The following DPP4 variants were observed in gnomAD, a reference collection of about 807,000 sequenced individuals.
DPP4 encodes dipeptidyl peptidase 4, also known as ADCP-2.
In DPP4, 93 loss-of-function variants were observed where a neutral mutation model predicts 122.4. The observed-to-expected ratio is 0.76, with a 90% CI of 0.64 to 0.90. DPP4 has a LOEUF of 0.90. Among genes scored for constraint, DPP4 ranks in the 40% least tolerant of loss-of-function variants. DPP4 has a pLI of 0.00. For missense variants in DPP4, 914 were observed against 907.3 expected (o/e 1.01, Z -0.09); for synonymous variants, 321 against 302.9 (o/e 1.06, Z -0.62).
At chr2:162,019,085 G>C in intron 15 of DPP4, 138 bp downstream of exon 15, 3 of 930,834 alleles carry the variant, frequency 3.2e-6, no homozygotes, top group Non-Finnish European at 5.1e-6. Flanking sequence ...CATGTAGATT[G>C]ATTTATGAAG....
chr2:162,063,133 G>A (rs1222410580), intron 2 of DPP4, among the ~76,000 whole-genome samples: 1 of 152,164 alleles, frequency 6.6e-6, no homozygotes, highest in East Asian at 1.9e-4. Context: ...CACATTGGAT[G>A]TGACTTGTGG....
chr2:161,998,647 T>C (rs1372951078), intron 23 of DPP4, among the ~76,000 whole-genome samples: 1 of 152,182 alleles, frequency 6.6e-6, no homozygotes, highest in Non-Finnish European at 1.5e-5. Flanking sequence ...GCAAGGAATG[T>C]GATAACTACT....
At chr2:162,012,936 C>A (rs1043989805) in intron 19 of DPP4, among the ~76,000 whole-genome samples, 2 of 151,994 alleles carry the variant, frequency 1.3e-5, no homozygotes, top group African/African-American at 2.4e-5. Context: ...AAAGAACTTT[C>A]GTTTTAAACA....
intron 23 of DPP4, among the ~76,000 whole-genome samples, chr2:162,000,717 C>A (rs1352185799): frequency 6.6e-6 from 1 of 152,180 alleles, no homozygotes; most frequent in East Asian, 1.9e-4. Flanking sequence ...AAATTTTGAG[C>A]AAAATGCAAA....
intron 19 of DPP4, among the ~76,000 whole-genome samples, chr2:162,013,539 G>A (rs929571056): frequency 6.0e-5 from 9 of 150,846 alleles, no homozygotes; most frequent in South Asian, 2.1e-4. Flanking sequence ...TTTTTTTCTC[G>A]CTGGTAACAA....
At chr2:162,035,681 A>G (rs2106120529) in intron 8 of DPP4, among the ~76,000 whole-genome samples, 1 of 152,300 alleles carries the variant, frequency 6.6e-6, no homozygotes, top group Middle Eastern at 3.4e-3. Flanking sequence ...TCTAATTTTC[A>G]AACAGTCAAC....
At chr2:162,042,440 A>G (rs1489917256) in intron 5 of DPP4, among the ~76,000 whole-genome samples, 2 of 152,212 alleles carry the variant, frequency 1.3e-5, no homozygotes, top group Non-Finnish European at 1.5e-5. Flanking sequence ...ACAACTTGGA[A>G]GTGATAGCAC....
intron 11 of DPP4, among the ~76,000 whole-genome samples, chr2:162,023,402 G>A (rs1306503054): frequency 1.3e-5 from 2 of 151,964 alleles, no homozygotes; most frequent in African/African-American, 2.4e-5. Flanking sequence ...CATTTCTTAC[G>A]AGATAAGTCC....
intron 2 of DPP4, among the ~76,000 whole-genome samples, chr2:162,052,084 C>T (rs1684401831): frequency 1.3e-5 from 2 of 151,946 alleles, no homozygotes; most frequent in South Asian, 4.2e-4. Flanking sequence ...CTTGGGAGGT[C>T]GAGGTGGGCA....
intron 5 of DPP4, 110 bp from the exon 6 acceptor site, chr2:162,039,294 C>T: frequency 2.2e-6 from 2 of 908,898 alleles, no homozygotes; most frequent in Non-Finnish European, 3.4e-6. Context: ...ATAATTCTCA[C>T]ATGTTATCAT....
chr2:162,033,584 C>T lies in DPP4; in HGVS notation c.844G>A (p.Ala282Thr). ...GGAGCAGTGATTTGTATGGAAGTTG[C>T]ATTGGTGACTGAGCTGAGAGAGTCT... The part of the protein sequence containing the change: ...NTDSLSSVTN[A>T]TSIQITAPAS... Residue 282 changes from alanine to threonine, a missense_variant, in exon 10 of 26, where the codon GCA becomes ACA. Transcript: ENST00000360534. 2 of 1,612,910 alleles carry T rather than the reference C, an allele frequency of 1.2e-6. No individual in the cohort carries two copies. Among genetic ancestry groups the T allele is most frequent in the Non-Finnish European group, 1.7e-6 (2 of 1,179,518 alleles).
At chr2:162,041,424 G>T (rs2106127239) in intron 5 of DPP4, among the ~76,000 whole-genome samples, 1 of 152,158 alleles carries the variant, frequency 6.6e-6, no homozygotes, top group Non-Finnish European at 1.5e-5. Context: ...GGATGAGACG[G>T]ATGAAATAGG....
Position 162,073,405 on chromosome 2 carries a change from T to C in DPP4, c.88A>G (p.Lys30Glu). 1 of 1,614,060 alleles carries C rather than the reference T, an allele frequency of 6.2e-7. No homozygotes were observed. The highest frequency in any genetic ancestry group is 8.5e-7 in the Non-Finnish European group (1 of 1,180,030). ...TCAAATGTTTCAAACTTACTGCCTT[T>C]GTTCAGCAGAACCACGGGCACGGTG... ...IITVPVVLLN[K>E]GTDDATADSR... is the part of the protein sequence containing the mutation. Residue 30 changes from lysine to glutamate, a missense_variant, in exon 2 of 26, where the codon AAA becomes GAA. Coordinates refer to ENST00000360534, the MANE Select transcript of DPP4 (RefSeq NM_001935.4).
chr2:162,056,126 T>G (rs1684565581), intron 2 of DPP4, among the ~76,000 whole-genome samples: 1 of 152,208 alleles, frequency 6.6e-6, no homozygotes, highest in South Asian at 2.1e-4. Flanking sequence ...TTCTTCCCCA[T>G]GGAATTCTCT....
chr2:162,037,570 A>T (rs181015249), intron 8 of DPP4, among the ~76,000 whole-genome samples: 134 of 152,334 alleles, frequency 8.8e-4, no homozygotes, highest in African/African-American at 3.2e-3. Flanking sequence ...TGAAATACAG[A>T]TAAGTCTTTC....
intron 2 of DPP4, among the ~76,000 whole-genome samples, chr2:162,060,091 C>A (rs1684712369): frequency 6.6e-6 from 1 of 152,156 alleles, no homozygotes; most frequent in African/African-American, 2.4e-5. Flanking sequence ...GGCGCCAAAG[C>A]CTGTGGTTAC....
intron 2 of DPP4, among the ~76,000 whole-genome samples, chr2:162,071,822 G>A (rs543839594): frequency 2.6e-5 from 4 of 152,290 alleles, no homozygotes; most frequent in South Asian, 4.1e-4. Context: ...AAAATTCTCA[G>A]AGTTAACTGC....
intron 2 of DPP4, among the ~76,000 whole-genome samples, chr2:162,056,412 T>G (rs1254328164): frequency 6.6e-6 from 1 of 152,076 alleles, no homozygotes; most frequent in African/African-American, 2.4e-5. Flanking sequence ...CCAAGTACAA[T>G]ATGTGAACTC....
At chr2:162,053,948 A>G (rs1215496388) in intron 2 of DPP4, among the ~76,000 whole-genome samples, 1 of 151,900 alleles carries the variant, frequency 6.6e-6, no homozygotes, top group Non-Finnish European at 1.5e-5. Flanking sequence ...CCAGCATGCA[A>G]TGTCAGCCGG....
Sources: gnomAD v4.1 joint callset for allele counts (sites outside exome capture counted in the v4.1 genomes callset) on GRCh38, gnomAD v4.1.1 for gene constraint, MANE v1.5 for transcripts, NCBI Gene and HGNC (gene_info 2026-07-23, HGNC 2026-07-21) for gene names.